Variants in NR5A2 observed in about 807,000 individuals in gnomAD.
NR5A2 encodes the protein CYP7A promoter-binding factor.
NR5A2 carries 26 observed loss-of-function variants against 62.7 expected under a neutral mutation model. The ratio of observed to expected loss-of-function variants is 0.41; its 90% confidence interval spans 0.30 to 0.58. The LOEUF (loss-of-function observed/expected upper bound fraction) is 0.58. NR5A2 is among the 20% of genes least tolerant of loss of function. The probability of loss-of-function intolerance (pLI) is 0.22; values close to 1 mark genes in which losing one functional copy is unlikely to be tolerated. For synonymous variants in NR5A2, 246 were observed against 241.7 expected (o/e 1.02, Z -0.16); for missense variants, 541 against 669.1 (o/e 0.81, Z 2.11).
chr1:200,119,943 G>T (rs1558150788), intron 6 of NR5A2, among the ~76,000 whole-genome samples: 1 of 151,762 alleles, frequency 6.6e-6, no homozygotes, highest in African/African-American at 2.4e-5. Flanking sequence ...AGGGAAATAA[G>T]CCTTTTCTTT....
intron 1 of NR5A2, among the ~76,000 whole-genome samples, chr1:200,035,200 G>T (rs915213718): frequency 6.6e-6 from 1 of 152,118 alleles, no homozygotes; most frequent in African/African-American, 2.4e-5. Context: ...GGGTCTAAAA[G>T]GTAGATATGT....
At chr1:200,107,478 G>T (rs549484064) in intron 5 of NR5A2, among the ~76,000 whole-genome samples, 194 of 152,094 alleles carry the variant, frequency 1.3e-3, no homozygotes, top group African/African-American at 4.5e-3. Context: ...AATGTGAACA[G>T]CACAGAATAC....
At chr1:200,082,896 TTAA>T (rs1664359497) in intron 5 of NR5A2, among the ~76,000 whole-genome samples, 1 of 152,188 alleles carries the variant, frequency 6.6e-6, no homozygotes, top group African/African-American at 2.4e-5. Flanking sequence ...TGAAAAGCAT[TTAA>T]TTTTTTTTCT....
chr1:200,092,158 C>G (rs1378348108), intron 5 of NR5A2, among the ~76,000 whole-genome samples: 1 of 152,172 alleles, frequency 6.6e-6, no homozygotes, highest in Admixed American at 6.6e-5. Context: ...ACATATTCAA[C>G]ACCTTTAGTA....
chr1:200,067,901 C>T (rs1322268722), intron 5 of NR5A2, among the ~76,000 whole-genome samples: 1 of 152,154 alleles, frequency 6.6e-6, no homozygotes, highest in Non-Finnish European at 1.5e-5. Context: ...CTTGAAGTTC[C>T]TGATTCTGAG....
Position 200,039,541 on chromosome 1 carries a change from G to T in NR5A2, c.65-117G>T, listed in dbSNP as rs149148173. 3.1e-4 allele frequency: 451 copies of T among 1,476,178 alleles called. 3 individuals are homozygous for T. The African/African-American group carries it at 5.8e-3, about 19-fold the overall frequency. The allele number at this position is 1,476,178 out of a possible 1,614,324, so 91.4% of individuals were successfully genotyped here. A position where few individuals can be genotyped will look rare whatever the true frequency, so the allele number is the denominator to read the frequency against. On this transcript the variant is annotated intron_variant, in intron 1 of 7. Transcript: ENST00000367362. This position sits in a 1 kb window ranked among gnomAD's most constrained non-coding sequence, Gnocchi z 5.1. ...CGGACAGGGCTCAGAGGTCCTGCCC[G>T]GCAGCCCCGAGGAGGCGGAGGCACG...
At chr1:200,050,116 G>T (rs960283212) in intron 5 of NR5A2, among the ~76,000 whole-genome samples, 1 of 152,138 alleles carries the variant, frequency 6.6e-6, no homozygotes, top group Non-Finnish European at 1.5e-5. Context: ...AATGCACTGC[G>T]TTAGCACAAT....
chr1:200,055,370 T>C (rs1170471641), intron 5 of NR5A2, among the ~76,000 whole-genome samples: 5 of 152,050 alleles, frequency 3.3e-5, no homozygotes, highest in African/African-American at 1.2e-4. Flanking sequence ...TATTTTTGTA[T>C]GTTTTAGTAG....
intron 5 of NR5A2, among the ~76,000 whole-genome samples, chr1:200,055,217 C>T (rs151305227): frequency 4.2e-5 from 6 of 144,412 alleles, no homozygotes; most frequent in Non-Finnish European, 9.1e-5. Flanking sequence ...TTTTTTGTGA[C>T]GGAGTTTCAC....
intron 5 of NR5A2, among the ~76,000 whole-genome samples, chr1:200,083,663 A>G (rs1213365838): frequency 1.3e-5 from 2 of 152,134 alleles, no homozygotes; most frequent in African/African-American, 2.4e-5. Context: ...GTACAGCAAT[A>G]TTGTATAGCA....
chr1:200,136,372 A>G (rs1667224843), intron 7 of NR5A2, among the ~76,000 whole-genome samples: 1 of 152,218 alleles, frequency 6.6e-6, no homozygotes, highest in South Asian at 2.1e-4. Context: ...ACTTAACATC[A>G]TGCCTGGAAT....
chr1:200,092,703 G>GA (rs3838441), intron 5 of NR5A2, among the ~76,000 whole-genome samples: 6,419 of 146,458 alleles, frequency 0.044, 168 homozygotes, highest in Non-Finnish European at 0.07. Flanking sequence ...CAGTTAGTCA[G>GA]AAAAAAAAAA....
At chr1:200,113,193 G>A (rs1558146798) in intron 6 of NR5A2, among the ~76,000 whole-genome samples, 2 of 152,024 alleles carry the variant, frequency 1.3e-5, no homozygotes, top group Non-Finnish European at 2.9e-5. Context: ...TTCCTTATAT[G>A]TTTCCTGCAG....
chr1:200,090,814 A>G (rs1352395034), intron 5 of NR5A2, among the ~76,000 whole-genome samples: 1 of 152,156 alleles, frequency 6.6e-6, no homozygotes, highest in African/African-American at 2.4e-5. Flanking sequence ...GTAACTGACA[A>G]ACAGACACAG....
chr1:200,040,338 AT>A (rs1235908975), intron 2 of NR5A2, among the ~76,000 whole-genome samples: 2 of 152,176 alleles, frequency 1.3e-5, no homozygotes, highest in Non-Finnish European at 2.9e-5. Flanking sequence ...ACAATTCAAC[AT>A]TGCTGGCAGA....
intron 5 of NR5A2, among the ~76,000 whole-genome samples, chr1:200,069,314 G>A (rs921544208): frequency 6.6e-6 from 1 of 151,164 alleles, no homozygotes; most frequent in African/African-American, 2.4e-5. Context: ...AGGCTGGAGT[G>A]CAATGGCATG....
At position 200,127,709 on chromosome 1, in the gene NR5A2, A is replaced by AATATATAT. The variant is rs71132667; in HGVS notation, c.1378+6769_1378+6776dup. On this transcript the variant is annotated intron_variant, in intron 7 of 7. Transcript: ENST00000367362. ...AAAAAAAAAAAAAAAAAAAAAAAAA[A>AATATATAT]ATATATATATATATATATATATGGT... is the stretch of plus-strand genomic sequence containing the variant. 0.011 allele frequency among the ~76,000 whole-genome samples: 245 copies of AATATATAT among 23,152 alleles called. 18 individuals are homozygous for AATATATAT. The East Asian group carries it at 0.12, about 12-fold the overall frequency. 15.2% of individuals were successfully genotyped at this position (23,152 alleles called of 152,430 possible). A position where few individuals can be genotyped will look rare whatever the true frequency, so the allele number is the denominator to read the frequency against.
In NR5A2 at chr1:200,054,746, G is replaced by A. The variant is rs1277543965; in HGVS notation, c.1110+5928G>A. On this transcript the variant is annotated intron_variant, in intron 5 of 7. Coordinates refer to ENST00000367362, the MANE Select transcript of NR5A2 (RefSeq NM_205860.3). ...CTTCTTTTTTCTCTAGCCAATTATG[G>A]AAGCTATCTGAGCAGCATTATTTAT... is the stretch of plus-strand genomic sequence containing the variant. Among the ~76,000 whole-genome samples the A allele has an allele frequency of 4.6e-5, 7 of 152,076 alleles. No individual in the cohort carries two copies. The East Asian group carries it at 1.3e-3, about 29-fold the overall frequency.
chr1:200,094,364 T>C (rs113646071), intron 5 of NR5A2, among the ~76,000 whole-genome samples: 2,626 of 151,310 alleles, frequency 0.017, 87 homozygotes, highest in African/African-American at 0.06. Context: ...TTTGTGTTTT[T>C]AGTAGAGATG....
Sources: gnomAD v4.1 joint callset for allele counts (sites outside exome capture counted in the v4.1 genomes callset) on GRCh38, gnomAD v4.1.1 for gene constraint, Gnocchi (gnomAD v3.1) non-coding constraint, MANE v1.5 for transcripts, NCBI Gene and HGNC (gene_info 2026-07-23, HGNC 2026-07-21) for gene names.